The following IPO4 variants were observed in gnomAD, a reference collection of about 807,000 sequenced individuals.
IPO4 encodes importin-4.
In IPO4, 91 loss-of-function variants were observed where a neutral mutation model predicts 133.5. The ratio of observed to expected loss-of-function variants is 0.68; its 90% confidence interval spans 0.58 to 0.81. The LOEUF (loss-of-function observed/expected upper bound fraction) is 0.81, where lower values mean the gene tolerates loss of function less well. IPO4 is among the 30% of genes least tolerant of loss of function. The probability of loss-of-function intolerance (pLI) is 0.00; values close to 1 mark genes in which losing one functional copy is unlikely to be tolerated. For missense variants in IPO4, 1,279 were observed against 1,386.2 expected (o/e 0.92, Z 1.23); for synonymous variants, 607 against 581.6 (o/e 1.04, Z -0.63).
intron 27 of IPO4, 24 bp downstream of exon 27, chr14:24,181,687 C>T (rs1467401945): frequency 6.2e-7 from 1 of 1,609,562 alleles, no homozygotes; most frequent in Non-Finnish European, 8.5e-7. Flanking sequence ...CTTCCAAGCC[C>T]TGCCTGATGT....
At position 24,181,969 on chromosome 14, in the gene IPO4, GC is replaced by G; in HGVS notation, c.2792del (p.Gly931AlafsTer39). 2 of 1,611,232 alleles carry G rather than the reference GC, an allele frequency of 1.2e-6. No individual in the cohort carries two copies. Among genetic ancestry groups the G allele is most frequent in the Non-Finnish European group, 8.5e-7 (1 of 1,180,020 alleles). ...GCCAAGGATACTCCTGGGCAGGGTG[GC>G]CCCCATGCTCTGCCAGCACGCCCAT... ...FGMGVLAEHG[G>X]HPAQEHFPKL... On this transcript the variant is annotated frameshift_variant, in exon 26 of 30. Coordinates refer to ENST00000354464, the MANE Select transcript of IPO4 (RefSeq NM_024658.4). LOFTEE classifies it high-confidence loss of function.
Position 24,188,221 on chromosome 14 carries a change from T to C in IPO4, c.273A>G (p.Glu91=), listed in dbSNP as rs1184014989. 14 of 1,613,458 alleles carry C rather than the reference T, an allele frequency of 8.7e-6. No individual in the cohort carries two copies. Among genetic ancestry groups the C allele is most frequent in the Non-Finnish European group, 1.2e-5 (14 of 1,179,748 alleles). The part of the protein sequence containing the change: ...KSLILTALQR[E]TEHCVSLSLA... ...AGAAGTGGGTAGGTACTTACTCTGT[T>C]TCTCTCTGCAGGGCCGTCAGGATCA... The change falls in exon 4 of 30, where the codon GAA becomes GAG. Residue 91 remains glutamate (E), a synonymous_variant. Transcript: ENST00000354464.
chr14:24,186,559 A>G, intron 9 of IPO4, 108 bp from the exon 10 acceptor site: 1 of 1,409,730 alleles, frequency 7.1e-7, no homozygotes, highest in Non-Finnish European at 9.6e-7. Context: ...AAAATTCCCA[A>G]CCTCCCAGGC....
chr14:24,181,777 A>G lies in IPO4; in HGVS notation c.2874T>C (p.Arg958=). ...LLARERHDRV[R]DNICGALARL... Reference sequence around the variant, plus strand: ...GGGCAAGTGCCCCACAGATGTTGTCACGGACACGATCATGTCGCTCCCGCG... The same window carrying G: ...GGGCAAGTGCCCCACAGATGTTGTCGCGGACACGATCATGTCGCTCCCGCG... The change falls in exon 27 of 30, where the codon CGT becomes CGC. Residue 958 remains arginine (R), a synonymous_variant. Transcript: ENST00000354464. 6.2e-7 allele frequency: 1 copy of G among 1,602,472 alleles called. No individual in the cohort carries two copies. Among genetic ancestry groups the G allele is most frequent in the South Asian group, 1.1e-5 (1 of 89,606 alleles).
At chr14:24,186,069 C>T (rs1340226372) in intron 11 of IPO4, 60 bp downstream of exon 11, 11 of 1,605,766 alleles carry the variant, frequency 6.9e-6, no homozygotes, top group Admixed American at 3.3e-5. Flanking sequence ...ACGTCGTTGG[C>T]CTCAGGGGGA....
chr14:24,187,266 T>G, intron 6 of IPO4, 116 bp from the exon 7 acceptor site: 1 of 1,458,258 alleles, frequency 6.9e-7, no homozygotes, highest in Non-Finnish European at 9.6e-7. Flanking sequence ...CAGGCCCACC[T>G]ACAGCATCCC....
chr14:24,182,472 C>A, intron 24 of IPO4, 69 bp from the exon 25 acceptor site: 1 of 1,553,184 alleles, frequency 6.4e-7, no homozygotes, highest in South Asian at 1.2e-5. Flanking sequence ...CTCCCACGCT[C>A]TGCCACCAGC....
chr14:24,185,926 C>T lies in IPO4; in HGVS notation c.1104G>A (p.Gln368=), dbSNP rs769264789. ...CCAGCACCAGGAGTCCAGCTTTGCG[C>T]TGGTATGGGCTCTCGCTCCGCAAAG... ...EEALRSESPY[Q]RKAGLLVLAV... is the part of the protein sequence containing the mutation. The change falls in exon 12 of 30, where the codon CAG becomes CAA. Residue 368 remains glutamine (Q), a synonymous_variant. Transcript: ENST00000354464. 6.2e-7 allele frequency: 1 copy of T among 1,614,134 alleles called. No homozygotes were observed.
At chr14:24,182,505 C>A in intron 24 of IPO4, 102 bp from the exon 25 acceptor site, 1 of 1,491,302 alleles carries the variant, frequency 6.7e-7, no homozygotes. Flanking sequence ...TGGGGCTGCC[C>A]TTGGTTGATA....
chr14:24,188,276 G>A lies in IPO4; in HGVS notation c.237-19C>T, dbSNP rs372735260. Reference sequence around the variant, plus strand: ...CTTGAGGCTGGAACACAGGTGGCAGGTGTTTGGTACCCAGCCTGCCCAAGA... The same window carrying A: ...CTTGAGGCTGGAACACAGGTGGCAGATGTTTGGTACCCAGCCTGCCCAAGA... On this transcript the variant is annotated intron_variant, in intron 3 of 29. Coordinates refer to ENST00000354464, the MANE Select transcript of IPO4 (RefSeq NM_024658.4). 1.7e-5 allele frequency: 27 copies of A among 1,613,188 alleles called. No homozygotes were observed. Among genetic ancestry groups the A allele is most frequent in the East Asian group, 4.5e-5 (2 of 44,878 alleles).
rs536590222 is a variant in IPO4, at chr14:24,185,253, C to T, written c.1338G>A (p.Ser446=). The part of the protein sequence containing the change: ...VMPLLLAYLK[S]VPLGHTHHLA... ...GGTGGTGTGTGTGTCCAAGAGGCAC[C>T]GACTTCAAGTAGGCGAGGAGCAGTG... is the stretch of plus-strand genomic sequence containing the variant. The change falls in exon 14 of 30, where the codon TCG becomes TCA. Residue 446 remains serine (S), a synonymous_variant. Coordinates refer to ENST00000354464, the MANE Select transcript of IPO4 (RefSeq NM_024658.4). 86 of 1,614,012 alleles carry T rather than the reference C, an allele frequency of 5.3e-5. No individual in the cohort carries two copies. The highest frequency in any genetic ancestry group is 8.9e-5 in the East Asian group (4 of 44,898).
intron 1 of IPO4, 34 bp downstream of exon 1, chr14:24,188,685 C>A: frequency 1.2e-6 from 2 of 1,600,074 alleles, no homozygotes; most frequent in Non-Finnish European, 1.7e-6. Flanking sequence ...CGCAACCTCC[C>A]GCTCGCCCTG....
At chr14:24,184,836 C>G (rs1566643516) in intron 15 of IPO4, 31 bp downstream of exon 15, 1 of 1,608,632 alleles carries the variant, frequency 6.2e-7, no homozygotes, top group Non-Finnish European at 8.5e-7. Context: ...TGGGTGAACC[C>G]CACATCCCTG....
chr14:24,182,654 G>T, intron 24 of IPO4, 138 bp downstream of exon 24: 1 of 1,071,630 alleles, frequency 9.3e-7, no homozygotes, highest in Non-Finnish European at 1.4e-6. Context: ...GTGGGATCAG[G>T]GTTGTATCCC....
At position 24,183,022 on chromosome 14, in the gene IPO4, C is replaced by A; in HGVS notation, c.2375G>T (p.Arg792Leu). Reference sequence around the variant, plus strand: ...GAGCACGCCACAGAGCTCAGCGAGGCGCCCAGGGGGCTTCAGTGTGAGGGT... The same window carrying A: ...GAGCACGCCACAGAGCTCAGCGAGGAGCCCAGGGGGCTTCAGTGTGAGGGT... Reference protein sequence around the residue: ...CGTLTLKPPGRLAELCGVLKA... With the variant: ...CGTLTLKPPGLLAELCGVLKA... Residue 792 changes from arginine to leucine, a missense_variant, in exon 23 of 30, where the codon CGC becomes CTC. Physicochemically the swap from Arg to Leu is moderately radical, Grantham distance 102. Around this residue, in one of 3 missense-constraint regions of IPO4, gnomAD observed 575 missense variants for 653.4 expected, o/e 0.88. Transcript: ENST00000354464. 3 of 1,613,784 alleles carry A rather than the reference C, an allele frequency of 1.9e-6. No individual in the cohort carries two copies. The highest frequency in any genetic ancestry group is 1.3e-5 in the African/African-American group (1 of 75,058).
rs869188607 is a variant in IPO4, at chr14:24,182,902, G to GT, written c.2422-61_2422-60insA. The GT allele has an allele frequency of 7.4e-6, 11 of 1,487,302 alleles. No individual in the cohort carries two copies. In the East Asian group the frequency reaches 1.3e-4, roughly 17 times the overall value. 92.1% of individuals were successfully genotyped at this position (1,487,302 alleles called of 1,614,324 possible). A position where few individuals can be genotyped will look rare whatever the true frequency, so the allele number is the denominator to read the frequency against. ...CGCCCCTTCTCTTTTCATGGGGGTA[G>GT]GGGGTGGACTTGTAGCCAGTCCCCA... On this transcript the variant is annotated intron_variant, in intron 23 of 29. Transcript: ENST00000354464.
chr14:24,180,806 G>A, intron 28 of IPO4, 48 bp from the exon 29 acceptor site: 1 of 1,567,060 alleles, frequency 6.4e-7, no homozygotes, highest in Non-Finnish European at 8.7e-7. Context: ...CAGACCCCAG[G>A]TCTAGGAGGG....
At chr14:24,180,599 C>T (rs767417313) in intron 29 of IPO4, 27 bp from the exon 30 acceptor site, 23 of 1,611,982 alleles carry the variant, frequency 1.4e-5, no homozygotes, top group South Asian at 9.9e-5. Flanking sequence ...GGAGAAAGGT[C>T]GGGGCTCCTA....
At chr14:24,183,972 G>GGGGGGGGCCC in intron 18 of IPO4, 26 bp downstream of exon 18, 7 of 1,573,272 alleles carry the variant, frequency 4.4e-6, no homozygotes, top group Non-Finnish European at 6.0e-6. Context: ...GGCAGGCCTG[G>GGGGGGGGCCC]CCCAGCCCAC....
Sources: gnomAD v4.1 joint callset for allele counts on GRCh38, gnomAD v4.1.1 for gene constraint, gnomAD v4.1.1 regional missense constraint, MANE v1.5 for transcripts, NCBI Gene and HGNC (gene_info 2026-07-23, HGNC 2026-07-21) for gene names.